The following TIMP3 variants were observed in gnomAD, a reference collection of about 807,000 sequenced individuals.
The protein encoded by TIMP3 is TIMP metallopeptidase inhibitor 3.
A neutral mutation model predicts 30.0 loss-of-function variants in TIMP3; 11 were observed. That is an observed-to-expected ratio of 0.37 (90% CI 0.23 to 0.61). The LOEUF (loss-of-function observed/expected upper bound fraction) is 0.61, where lower values mean the gene tolerates loss of function less well. TIMP3 is among the 20% of genes least tolerant of loss of function. The pLI, the probability that TIMP3 is intolerant of heterozygous loss-of-function variation, is 0.70. For missense variants in TIMP3, 181 were observed against 276.8 expected (o/e 0.65, Z 2.45); for synonymous variants, 112 against 111.3 (o/e 1.01, Z -0.04).
chr22:32,809,096 C>A (rs370231566), intron 1 of TIMP3, among the ~76,000 whole-genome samples: 4 of 152,346 alleles, frequency 2.6e-5, no homozygotes, highest in South Asian at 4.1e-4. Context: ...GGTGCCCTTA[C>A]TATGTGCCAG....
At chr22:32,812,272 G>A (rs965132109) in intron 1 of TIMP3, among the ~76,000 whole-genome samples, 1 of 152,174 alleles carries the variant, frequency 6.6e-6, no homozygotes, top group Non-Finnish European at 1.5e-5. Flanking sequence ...AGGTAACTTT[G>A]TTAGAAATAT....
intron 1 of TIMP3, among the ~76,000 whole-genome samples, chr22:32,844,049 C>A (rs1056398712): frequency 2.0e-5 from 3 of 152,142 alleles, no homozygotes; most frequent in Non-Finnish European, 4.4e-5. Flanking sequence ...GGAACCTGGA[C>A]TCCTAAGTTA....
chr22:32,825,740 A>G (rs1013875412), intron 1 of TIMP3, among the ~76,000 whole-genome samples: 35 of 140,596 alleles, frequency 2.5e-4, no homozygotes, highest in Admixed American at 1.8e-3. Flanking sequence ...ATACATATTT[A>G]TTTGTACATA....
intron 1 of TIMP3, among the ~76,000 whole-genome samples, chr22:32,841,327 CA>C (rs1427765381): frequency 6.6e-6 from 1 of 152,142 alleles, no homozygotes; most frequent in Non-Finnish European, 1.5e-5. Context: ...AGCACAGTGT[CA>C]GGGGCCAAGG....
At chr22:32,839,461 C>T (rs2047832560) in intron 1 of TIMP3, among the ~76,000 whole-genome samples, 1 of 152,096 alleles carries the variant, frequency 6.6e-6, no homozygotes, top group Non-Finnish European at 1.5e-5. Context: ...TCATTGGACC[C>T]TTAGAAACCC....
At chr22:32,853,063 A>C (rs58329553) in intron 2 of TIMP3, among the ~76,000 whole-genome samples, 4,774 of 152,212 alleles carry the variant, frequency 0.031, 238 homozygotes, top group African/African-American at 0.11. Flanking sequence ...GGCAGAGCAG[A>C]CCTCCAGGGA....
chr22:32,803,298 G>A (rs2046641392), intron 1 of TIMP3, among the ~76,000 whole-genome samples: 1 of 152,072 alleles, frequency 6.6e-6, no homozygotes, highest in Non-Finnish European at 1.5e-5. Flanking sequence ...CTGAGTCTTG[G>A]GTGAGGGACT....
At chr22:32,827,742 G>A (rs1306514667) in intron 1 of TIMP3, among the ~76,000 whole-genome samples, 8 of 152,162 alleles carry the variant, frequency 5.3e-5, no homozygotes, top group African/African-American at 7.2e-5. Context: ...AAGTTTCTAC[G>A]GGATCTGGCC....
intron 1 of TIMP3, among the ~76,000 whole-genome samples, chr22:32,820,577 C>T (rs1032067714): frequency 3.3e-5 from 5 of 152,146 alleles, no homozygotes; most frequent in African/African-American, 1.2e-4. Flanking sequence ...TGAGATTTGT[C>T]CTGACCCATG....
intron 1 of TIMP3, among the ~76,000 whole-genome samples, chr22:32,838,618 C>G (rs1043693472): frequency 9.2e-5 from 14 of 152,092 alleles, no homozygotes; most frequent in Non-Finnish European, 2.1e-4. Context: ...TTTTGGAGGT[C>G]AGTCTTCAAT....
chr22:32,814,227 GAAAA>G (rs1246463192), intron 1 of TIMP3, among the ~76,000 whole-genome samples: 20 of 123,080 alleles, frequency 1.6e-4, no homozygotes, highest in Admixed American at 7.7e-4. Context: ...AGGAAAGAAA[GAAAA>G]AAAAAGAAAG....
At chr22:32,814,241 GAA>G (rs1367221229) in intron 1 of TIMP3, among the ~76,000 whole-genome samples, 3 of 144,382 alleles carry the variant, frequency 2.1e-5, no homozygotes, top group Non-Finnish European at 4.5e-5. Flanking sequence ...AAAAAAGAAA[GAA>G]AGAAGGAAAG....
chr22:32,823,366 G>C (rs1012924507), intron 1 of TIMP3, among the ~76,000 whole-genome samples: 2 of 152,152 alleles, frequency 1.3e-5, no homozygotes, highest in Non-Finnish European at 2.9e-5. Flanking sequence ...TCTGTTGGGA[G>C]CTGTGAGTGG....
At chr22:32,824,003 G>A (rs950001140) in intron 1 of TIMP3, among the ~76,000 whole-genome samples, 7 of 152,288 alleles carry the variant, frequency 4.6e-5, no homozygotes, top group South Asian at 2.1e-4. Context: ...TGCAGGCCAG[G>A]CGCGGTGACT....
intron 1 of TIMP3, among the ~76,000 whole-genome samples, chr22:32,843,248 G>A (rs2047965485): frequency 6.6e-6 from 1 of 152,192 alleles, no homozygotes; most frequent in Admixed American, 6.5e-5. Context: ...CACCTAAGAG[G>A]CATTCGATAA....
intron 1 of TIMP3, among the ~76,000 whole-genome samples, chr22:32,815,630 T>C (rs1416713638): frequency 6.6e-6 from 1 of 152,216 alleles, no homozygotes; most frequent in Non-Finnish European, 1.5e-5. Flanking sequence ...TATATACATA[T>C]ATACATGTAA....
chr22:32,830,833 T>A (rs1233567219), intron 1 of TIMP3, among the ~76,000 whole-genome samples: 1 of 152,170 alleles, frequency 6.6e-6, no homozygotes, highest in Admixed American at 6.5e-5. Flanking sequence ...GCAAGGTGTT[T>A]CCTGCAAATC....
intron 2 of TIMP3, among the ~76,000 whole-genome samples, chr22:32,852,817 T>G (rs2048259507): frequency 6.6e-6 from 1 of 152,170 alleles, no homozygotes; most frequent in East Asian, 1.9e-4. Context: ...TTAGCTGGGC[T>G]GTGGGGTGAA....
At chr22:32,822,937 AAACAGAG>A (rs2047295815) in intron 1 of TIMP3, among the ~76,000 whole-genome samples, 1 of 151,724 alleles carries the variant, frequency 6.6e-6, no homozygotes, top group Admixed American at 6.6e-5. Flanking sequence ...AACAAAAAAA[AAACAGAG>A]AGAGAGAGAT....
Sources: gnomAD v4.1 joint callset for allele counts (sites outside exome capture counted in the v4.1 genomes callset) on GRCh38, gnomAD v4.1.1 for gene constraint, MANE v1.5 for transcripts, NCBI Gene and HGNC (gene_info 2026-07-23, HGNC 2026-07-21) for gene names.